The following KIF26A variants were observed in gnomAD, a reference collection of about 807,000 sequenced individuals.
The protein encoded by KIF26A is kinesin-like protein KIF26A.
In KIF26A, 74 loss-of-function variants were observed where a neutral mutation model predicts 126.0. The observed-to-expected ratio is 0.59, with a 90% CI of 0.49 to 0.71. KIF26A has a LOEUF of 0.71. Among genes scored for constraint, KIF26A ranks in the 30% least tolerant of loss-of-function variants. The pLI, the probability that KIF26A is intolerant of heterozygous loss-of-function variation, is 0.00. For missense variants in KIF26A, 2,984 were observed against 2,763.3 expected, an observed-to-expected ratio of 1.08 and a Z score of -1.79; for synonymous variants, 1,445 against 1,232.7, an observed-to-expected ratio of 1.17 and a Z score of -3.61.
intron 3 of KIF26A, among the ~76,000 whole-genome samples, chr14:104,153,415 G>A (rs1407548615): frequency 6.6e-6 from 1 of 152,206 alleles, no homozygotes; most frequent in East Asian, 1.9e-4. Context: ...GAACTCTGTG[G>A]TGAGGCCGAG....
rs868252404 is a variant in KIF26A, at chr14:104,175,003, G to A, written c.2215G>A (p.Gly739Arg). 4 of 1,550,516 alleles carry A rather than the reference G, an allele frequency of 2.6e-6. No individual in the cohort carries two copies. Among genetic ancestry groups the A allele is most frequent in the Non-Finnish European group, 3.5e-6 (4 of 1,151,670 alleles). Residue 739 changes from glycine to arginine, a missense_variant, in exon 12 of 15, where the codon GGG becomes AGG. Transcript: ENST00000423312. ...KAKYASSSSG[G>R]ESSCEEGRAR... ...CCAGTACGCCTCCAGCTCCTCTGGC[G>A]GGGAGAGCTCCTGTGAGGAAGGCCG... is the stretch of plus-strand genomic sequence containing the variant.
rs1377871772 is a variant in KIF26A, at chr14:104,138,637, C to T, written c.-86C>T. 1.8e-6 allele frequency: 2 copies of T among 1,098,284 alleles called. No homozygotes were observed. The highest frequency in any genetic ancestry group is 2.3e-6 in the Non-Finnish European group (2 of 869,486). The allele number at this position is 1,098,284 out of a possible 1,614,324, so 68.0% of individuals were successfully genotyped here. ...GCGGCTGGGCCGGGCCATGGGGGCG[C>T]CTCGGGGCCGGATCACGTAGCCGCG... On this transcript the variant is annotated 5_prime_UTR_variant, in exon 1 of 15. Transcript: ENST00000423312.
Position 104,157,793 on chromosome 14 carries a change from G to A in KIF26A, c.774G>A (p.Thr258=), listed in dbSNP as rs374178949. 911 of 1,610,324 alleles carry A rather than the reference G, an allele frequency of 5.7e-4. 2 individuals carry two copies. Among genetic ancestry groups the A allele is most frequent in the Non-Finnish European group, 7.1e-4 (840 of 1,178,846 alleles). ...TGGCGGCCGTGGCGGTGGCAGACAC[G>A]GTCCGAGAATGCCCCCCCGTGGCCG... The part of the protein sequence containing the change: ...AAVAAVAVAD[T]VRECPPVAGP... The change falls in exon 4 of 15, where the codon ACG becomes ACA. Residue 258 remains threonine, a synonymous_variant. Transcript: ENST00000423312.
At chr14:104,168,373 C>T (rs753917477) in intron 5 of KIF26A, among the ~76,000 whole-genome samples, 4 of 152,230 alleles carry the variant, frequency 2.6e-5, no homozygotes, top group Non-Finnish European at 5.9e-5. Context: ...GCCCTCCAAC[C>T]TCTCCAGGGC....
chr14:104,175,748 A>C lies in KIF26A; in HGVS notation c.2960A>C (p.Gln987Pro). 1 of 1,547,108 alleles carries C rather than the reference A, an allele frequency of 6.5e-7. No homozygotes were observed. Among genetic ancestry groups the C allele is most frequent in the Non-Finnish European group, 8.7e-7 (1 of 1,148,706 alleles). Residue 987 changes from glutamine to proline, a missense_variant, in exon 12 of 15, where the codon CAG becomes CCG. Physicochemically the swap from Gln to Pro is moderately conservative, Grantham distance 76. Coordinates refer to ENST00000423312, the MANE Select transcript of KIF26A (RefSeq NM_015656.2). ...ARTPPVGMSG[Q>P]VAGSPMLPGA... ...ACCCCTCCCGTGGGCATGAGTGGGC[A>C]GGTGGCTGGGTCCCCGATGCTTCCT...
rs79856329 is a variant in KIF26A at position 104,145,264 on chromosome 14, C to T, written c.288+5976C>T. On this transcript the variant is annotated intron_variant, in intron 2 of 14. Coordinates refer to ENST00000423312, the MANE Select transcript of KIF26A (RefSeq NM_015656.2). ...ACAGTGTCTCCGTTTCGTTCACGGG[C>T]GTGCCCTGGCCATAGCTGCCTCTCC... 2.9e-4 allele frequency among the ~76,000 whole-genome samples: 44 copies of T among 152,338 alleles called. 1 individual carries two copies. The East Asian group carries it at 7.7e-3, about 27-fold the overall frequency.
At chr14:104,156,106 G>T (rs962831443) in intron 3 of KIF26A, among the ~76,000 whole-genome samples, 1 of 152,230 alleles carries the variant, frequency 6.6e-6, no homozygotes, top group African/African-American at 2.4e-5. Flanking sequence ...CTGGCCCTGG[G>T]TGCTGACTGC....
At chr14:104,179,544 G>A (rs1227546820) in intron 14 of KIF26A, 65 bp from the exon 15 acceptor site, 4 of 1,446,408 alleles carry the variant, frequency 2.8e-6, no homozygotes, top group Admixed American at 2.6e-5. Flanking sequence ...CCTCTGGGGG[G>A]CCAGGTGGCT....
rs1173510763 is a variant in KIF26A at position 104,163,373 on chromosome 14, C to T, written c.924-3486C>T. On this transcript the variant is annotated intron_variant, in intron 4 of 14. Transcript: ENST00000423312. ...CTTGCCCTGTGGACAGACGCACAGA[C>T]ACACAGACAGCGTGGGCGAGTGTGT... is the stretch of plus-strand genomic sequence containing the variant. Among the ~76,000 whole-genome samples, 4 of 152,300 alleles carry T rather than the reference C, an allele frequency of 2.6e-5. No individual in the cohort carries two copies. The South Asian group carries it at 6.2e-4, about 24-fold the overall frequency.
intron 4 of KIF26A, among the ~76,000 whole-genome samples, chr14:104,161,729 A>C (rs1031693900): frequency 9.9e-5 from 15 of 152,218 alleles, no homozygotes; most frequent in African/African-American, 3.6e-4. Context: ...GTCTCACGGC[A>C]GGGGGTAGTT....
At chr14:104,160,178 T>G (rs561263922) in intron 4 of KIF26A, among the ~76,000 whole-genome samples, 1 of 152,274 alleles carries the variant, frequency 6.6e-6, no homozygotes, top group Admixed American at 6.5e-5. Flanking sequence ...CAGAGTGGCC[T>G]CTCAGGGAGC....
At chr14:104,161,526 T>C (rs2037832749) in intron 4 of KIF26A, among the ~76,000 whole-genome samples, 1 of 152,244 alleles carries the variant, frequency 6.6e-6, no homozygotes, top group Non-Finnish European at 1.5e-5. Flanking sequence ...TCCTTTTCTG[T>C]TGACATGAAT....
chr14:104,172,127 G>A (rs1345144175), intron 6 of KIF26A, among the ~76,000 whole-genome samples, 192 bp downstream of exon 6: 1 of 152,216 alleles, frequency 6.6e-6, no homozygotes. Context: ...GTCTCCATCC[G>A]CCCCTGCCGA....
At chr14:104,168,306 C>T (rs569007850) in intron 5 of KIF26A, among the ~76,000 whole-genome samples, 2 of 152,328 alleles carry the variant, frequency 1.3e-5, no homozygotes, top group East Asian at 1.9e-4. Flanking sequence ...CCTGCCCGCC[C>T]GGTGATGTAG....
intron 5 of KIF26A, among the ~76,000 whole-genome samples, chr14:104,171,443 G>A (rs573558939): frequency 2.0e-4 from 30 of 152,308 alleles, no homozygotes; most frequent in Admixed American, 1.0e-3. Context: ...GGAGGCGCCC[G>A]GAGCCCGCCG....
Position 104,176,936 on chromosome 14 carries a change from A to G in KIF26A, c.4148A>G (p.His1383Arg), listed in dbSNP as rs1181287534. 4.6e-6 allele frequency: 7 copies of G among 1,533,878 alleles called. No homozygotes were observed. The highest frequency in any genetic ancestry group is 1.8e-4 in the Middle Eastern group (1 of 5,586). The change falls in exon 12 of 15, where the codon CAT becomes CGT. Residue 1383 changes from histidine (H) to arginine (R), a missense_variant. His to Arg is a conservative substitution (Grantham distance 29). Transcript: ENST00000423312. ...QRSSPASAPPHAVNPARVGAA... is the reference protein window; with the variant it reads ...QRSSPASAPPRAVNPARVGAA... Reference sequence around the variant, plus strand: ...AGCAGCCCGGCCTCGGCCCCTCCGCATGCTGTGAACCCGGCGCGGGTCGGG... The same window carrying G: ...AGCAGCCCGGCCTCGGCCCCTCCGCGTGCTGTGAACCCGGCGCGGGTCGGG...
chr14:104,148,194 C>T lies in KIF26A; in HGVS notation c.289-3821C>T, dbSNP rs1196820952. ...AATGGAAGGATTACTTAAAGCAACT[C>T]GGAGACCCCAGAAACAAAATAAAGA... On this transcript the variant is annotated intron_variant, in intron 2 of 14. Coordinates refer to ENST00000423312, the MANE Select transcript of KIF26A (RefSeq NM_015656.2). This position sits in a 1 kb window ranked among gnomAD's most constrained non-coding sequence, Gnocchi z 4.3. 1.3e-5 allele frequency among the ~76,000 whole-genome samples: 2 copies of T among 152,136 alleles called. No individual in the cohort carries two copies. The highest frequency in any genetic ancestry group is 2.4e-5 in the African/African-American group (1 of 41,426).
At chr14:104,153,490 A>ACGAGG (rs2037749102) in intron 3 of KIF26A, among the ~76,000 whole-genome samples, 7 of 135,714 alleles carry the variant, frequency 5.2e-5, no homozygotes, top group South Asian at 2.4e-4. Flanking sequence ...CACCCTTGCC[A>ACGAGG]TGAGGTGCCT....
intron 2 of KIF26A, among the ~76,000 whole-genome samples, chr14:104,144,612 C>A (rs2037665284): frequency 6.6e-6 from 1 of 152,182 alleles, no homozygotes; most frequent in Admixed American, 6.5e-5. Context: ...CAAAGAAAGT[C>A]TAGTTCTTCT....
Sources: allele counts gnomAD v4.1 joint callset (sites outside exome capture counted in the v4.1 genomes callset), GRCh38; gene constraint gnomAD v4.1.1; non-coding constraint Gnocchi (gnomAD v3.1); transcripts MANE v1.5; gene names NCBI Gene and HGNC (gene_info 2026-07-23, HGNC 2026-07-21).